LRRC4C: variants seen among roughly 807,000 people sequenced by gnomAD.
The protein encoded by LRRC4C is leucine-rich repeat-containing protein 4C.
In LRRC4C, 5 loss-of-function variants were observed where a neutral mutation model predicts 33.6. The ratio of observed to expected loss-of-function variants is 0.15; its 90% CI spans 0.08 to 0.31. The LOEUF is 0.31. Ranked by LOEUF, LRRC4C falls within the 10% of genes least tolerant of loss-of-function variation. The pLI, the probability that LRRC4C is intolerant of heterozygous loss-of-function variation, is 1.00. For synonymous variants in LRRC4C, 329 were observed against 302.0 expected (o/e 1.09, Z -0.93); for missense variants, 560 against 796.7 (o/e 0.70, Z 3.58).
At chr11:41,274,969 G>A (rs112197185) in intron 1 of LRRC4C, among the ~76,000 whole-genome samples, 4 of 152,250 alleles carry the variant, frequency 2.6e-5, no homozygotes, top group Non-Finnish European at 4.4e-5. Flanking sequence ...GGTCATGGGG[G>A]TGGATCCCTC....
chr11:40,150,571 G>A (rs968517108), intron 5 of LRRC4C, among the ~76,000 whole-genome samples: 4 of 152,098 alleles, frequency 2.6e-5, no homozygotes, highest in Admixed American at 6.5e-5. Context: ...TGAGTAGTTG[G>A]GATAACAGGC....
intron 1 of LRRC4C, among the ~76,000 whole-genome samples, chr11:41,272,291 A>T (rs186742292): frequency 6.6e-6 from 1 of 152,086 alleles, no homozygotes; most frequent in South Asian, 2.1e-4. Context: ...AGTTTGCTCA[A>T]AATAACTGGG....
At chr11:40,132,319 G>A (rs533915073) in intron 6 of LRRC4C, among the ~76,000 whole-genome samples, 14 of 152,260 alleles carry the variant, frequency 9.2e-5, no homozygotes, top group Admixed American at 5.2e-4. Context: ...ACAAATGCCC[G>A]TTGGGAAGGG....
chr11:40,381,451 C>T (rs1341848195), intron 3 of LRRC4C, among the ~76,000 whole-genome samples: 1 of 152,092 alleles, frequency 6.6e-6, no homozygotes, highest in Admixed American at 6.6e-5. Flanking sequence ...TTAAAATCTG[C>T]CGTCAACCTT....
intron 2 of LRRC4C, among the ~76,000 whole-genome samples, chr11:40,662,436 G>C (rs995757080): frequency 6.6e-6 from 1 of 152,166 alleles, no homozygotes; most frequent in East Asian, 1.9e-4. Flanking sequence ...GACACAATGA[G>C]AAAAGACAAC....
Position 40,979,770 on chromosome 11 carries a change from C to G in LRRC4C, c.-495-46047G>C, listed in dbSNP as rs74721415. 3.3e-4 allele frequency among the ~76,000 whole-genome samples: 50 copies of G among 152,270 alleles called. No individual in the cohort carries two copies. In the East Asian group the frequency reaches 8.3e-3, roughly 25 times the overall value. On this transcript the variant is annotated intron_variant, in intron 1 of 6. Coordinates refer to ENST00000528697, the MANE Select transcript of LRRC4C (RefSeq NM_001258419.2). ...ATTTTATGTGTTTCACCTAATGAAA[C>G]ATATTCCTTGTCTGGACCACATACA...
At chr11:40,259,220 T>C (rs1009742841) in intron 4 of LRRC4C, among the ~76,000 whole-genome samples, 2 of 152,214 alleles carry the variant, frequency 1.3e-5, no homozygotes, top group East Asian at 3.9e-4. Context: ...TTTTGAGAAG[T>C]GTCTGTTCAT....
intron 5 of LRRC4C, among the ~76,000 whole-genome samples, chr11:40,198,929 G>T (rs1268306901): frequency 6.6e-6 from 1 of 152,188 alleles, no homozygotes; most frequent in East Asian, 1.9e-4. Flanking sequence ...AATGCACTTT[G>T]TGGGTATATT....
chr11:41,050,080 A>G (rs1216839493), intron 1 of LRRC4C, among the ~76,000 whole-genome samples: 1 of 152,202 alleles, frequency 6.6e-6, no homozygotes, highest in African/African-American at 2.4e-5. Context: ...ATGCAAACAC[A>G]CTGCTATTAA....
intron 3 of LRRC4C, among the ~76,000 whole-genome samples, chr11:40,595,895 A>G (rs1466625478): frequency 2.6e-5 from 4 of 152,198 alleles, no homozygotes; most frequent in Non-Finnish European, 4.4e-5. Flanking sequence ...AGCTGGGGGA[A>G]AGAAGTCTAT....
chr11:40,832,402 A>G (rs1408543877), intron 2 of LRRC4C, among the ~76,000 whole-genome samples: 1 of 152,216 alleles, frequency 6.6e-6, no homozygotes, highest in Non-Finnish European at 1.5e-5. Flanking sequence ...AAACAAATGT[A>G]AAGATACATT....
chr11:40,931,330 T>A (rs1314660793), intron 2 of LRRC4C, among the ~76,000 whole-genome samples: 1 of 152,200 alleles, frequency 6.6e-6, no homozygotes, highest in African/African-American at 2.4e-5. Context: ...TAGAAAAGGC[T>A]TTTATTTTCT....
intron 2 of LRRC4C, among the ~76,000 whole-genome samples, chr11:40,747,391 A>G (rs944033923): frequency 1.3e-5 from 2 of 152,214 alleles, no homozygotes; most frequent in African/African-American, 4.8e-5. Flanking sequence ...CCATAGATTA[A>G]TCTCTAGTAA....
At chr11:40,912,995 A>C (rs1485372738) in intron 2 of LRRC4C, among the ~76,000 whole-genome samples, 1 of 152,222 alleles carries the variant, frequency 6.6e-6, no homozygotes, top group Non-Finnish European at 1.5e-5. Context: ...AAGAAGAGCT[A>C]ACTATCCTAA....
At chr11:40,197,744 T>C (rs1280479386) in intron 5 of LRRC4C, among the ~76,000 whole-genome samples, 1 of 152,216 alleles carries the variant, frequency 6.6e-6, no homozygotes, top group Non-Finnish European at 1.5e-5. Flanking sequence ...CATTAGACTA[T>C]GCTAGGAGAG....
intron 1 of LRRC4C, among the ~76,000 whole-genome samples, chr11:41,322,475 C>T (rs1380062018): frequency 6.6e-6 from 1 of 151,900 alleles, no homozygotes; most frequent in Non-Finnish European, 1.5e-5. Flanking sequence ...TTCTCAGTAA[C>T]TTCAATAGTT....
chr11:41,348,263 A>T (rs1951862724), intron 1 of LRRC4C, among the ~76,000 whole-genome samples: 1 of 152,190 alleles, frequency 6.6e-6, no homozygotes, highest in South Asian at 2.1e-4. Flanking sequence ...ATGTGTTTAT[A>T]AAATAACTCC....
intron 3 of LRRC4C, among the ~76,000 whole-genome samples, chr11:40,527,301 T>C (rs574988293): frequency 6.6e-6 from 1 of 152,180 alleles, no homozygotes; most frequent in African/African-American, 2.4e-5. Context: ...ATTAAAGATA[T>C]AGATTGAAAA....
chr11:41,198,916 G>C lies in LRRC4C; in HGVS notation c.-496+260515C>G, dbSNP rs531567458. On this transcript the variant is annotated intron_variant, in intron 1 of 6. Coordinates refer to ENST00000528697, the MANE Select transcript of LRRC4C (RefSeq NM_001258419.2). ...AAATTTAGAACTCAGCAGTCTCAACGGGTGTTTTATTTATTTTATCCACAT... is the reference window on the plus strand; with the variant it reads ...AAATTTAGAACTCAGCAGTCTCAACCGGTGTTTTATTTATTTTATCCACAT... Among the ~76,000 whole-genome samples, 24 of 152,168 alleles carry C rather than the reference G, an allele frequency of 1.6e-4. No homozygotes were observed. In the South Asian group the frequency reaches 4.1e-3, roughly 26 times the overall value.
Sources: allele counts gnomAD v4.1 joint callset (sites outside exome capture counted in the v4.1 genomes callset), GRCh38; gene constraint gnomAD v4.1.1; transcripts MANE v1.5; gene names NCBI Gene and HGNC (gene_info 2026-07-23, HGNC 2026-07-21).